The following IQGAP3 variants were observed in gnomAD, a reference collection of about 807,000 sequenced individuals.
The protein encoded by IQGAP3 is ras GTPase-activating-like protein IQGAP3.
Under a neutral mutation model 208.2 loss-of-function variants are expected in IQGAP3, and 165 were observed. The observed-to-expected ratio is 0.79, with a 90% confidence interval of 0.70 to 0.90. The LOEUF (loss-of-function observed/expected upper bound fraction) is 0.90, where lower values mean the gene tolerates loss of function less well. Among genes scored for constraint, IQGAP3 ranks in the 40% least tolerant of loss-of-function variants. The pLI is 0.00. For missense variants in IQGAP3, 1,811 were observed against 2,043.1 expected (o/e 0.89, Z 2.19); for synonymous variants, 703 against 803.6 (o/e 0.87, Z 2.12).
At chr1:156,561,079 T>C (rs1676129403) in intron 10 of IQGAP3, 58 bp from the exon 11 acceptor site, 1 of 1,290,184 alleles carries the variant, frequency 7.8e-7, no homozygotes. Context: ...GACCATGCTT[T>C]ACGAGTTGCC....
In IQGAP3 at chr1:156,539,880, C is replaced by T. The variant is rs544348632; in HGVS notation, c.2850G>A (p.Arg950=). The change falls in exon 24 of 38, where the codon CGG becomes CGA. Residue 950 remains arginine, a synonymous_variant. Transcript: ENST00000361170. ...KGLKSLSKEK[R]QKLEAYQHLF... The stretch of plus-strand genomic sequence containing the variant: ...GGTGTTGGTATGCTTCTAGTTTCTG[C>T]CGTTTCTCTTTGCTCAGCGACTTTA... The T allele has an allele frequency of 1.9e-6, 3 of 1,614,140 alleles. No homozygotes were observed. The highest frequency in any genetic ancestry group is 2.5e-6 in the Non-Finnish European group (3 of 1,180,024).
chr1:156,562,045 C>G (rs772649652), intron 9 of IQGAP3, 44 bp from the exon 10 acceptor site: 2 of 1,514,516 alleles, frequency 1.3e-6, no homozygotes, highest in Non-Finnish European at 1.8e-6. Context: ...AGAAAGCCAC[C>G]TCTCATAATC....
In IQGAP3 at chr1:156,551,879, G is replaced by C. The variant is rs372813879; in HGVS notation, c.1571-11C>G. The C allele has an allele frequency of 8.1e-6, 13 of 1,601,108 alleles. No homozygotes were observed. In the African/African-American group the frequency reaches 1.5e-4, roughly 18 times the overall value. ...TGACTGCAAGGACCCCTAAGAAAGA[G>C]AGATCTAGGTGGGCAGGGGGCCCCT... On this transcript the variant is annotated splice_polypyrimidine_tract_variant and intron_variant, in intron 14 of 37. Coordinates refer to ENST00000361170, the MANE Select transcript of IQGAP3 (RefSeq NM_178229.5).
At chr1:156,555,154 C>T (rs1468406322) in intron 12 of IQGAP3, among the ~76,000 whole-genome samples, 6 of 152,182 alleles carry the variant, frequency 3.9e-5, no homozygotes, top group Admixed American at 1.3e-4. Context: ...CAAGAAGCTC[C>T]GGCCCCATTT....
rs748236938 is a variant in IQGAP3 at position 156,563,821 on chromosome 1, G to T, written c.441C>A (p.Leu147=). 6.2e-6 allele frequency: 10 copies of T among 1,613,588 alleles called. No individual in the cohort carries two copies. The highest frequency in any genetic ancestry group is 1.1e-5 in the South Asian group (1 of 91,002). ...RVVYCIHALS[L]FLFRLGLAPQ... is the part of the protein sequence containing the mutation. ...GGGCCAATCCCAGCCGGAAGAGGAA[G>T]AGACTAGGAAAAAACGGAAGGCATT... The change falls in exon 6 of 38, where the codon CTC becomes CTA. Residue 147 remains leucine, a synonymous_variant. Transcript: ENST00000361170.
chr1:156,562,087 C>A (rs1269489575), intron 9 of IQGAP3, 86 bp from the exon 10 acceptor site: 16 of 1,235,024 alleles, frequency 1.3e-5, no homozygotes, highest in Non-Finnish European at 1.7e-5. Context: ...CTACCCTCTT[C>A]TTGCCTGCCC....
Position 156,530,289 on chromosome 1 carries a change from C to T in IQGAP3, c.4220G>A (p.Arg1407Gln), listed in dbSNP as rs768730139. The T allele has an allele frequency of 1.2e-4, 193 of 1,610,214 alleles. 1 individual carries two copies. In the South Asian group the frequency reaches 1.3e-3, roughly 11 times the overall value. ...TGTCTGGGCTGTACAGGCCTGGCGT[C>T]GGCTCATCAGCTGCTTGTGGGCTGC... is the stretch of plus-strand genomic sequence containing the variant. ...QEAAHKQLMS[R>Q]RQACTAQTPE... is the part of the protein sequence containing the mutation. The change falls in exon 34 of 38, where the codon CGA (arginine) becomes CAA (glutamine). Residue 1407 changes from arginine to glutamine, a missense_variant. By Grantham distance (43) the Arg-to-Gln change is conservative. Transcript: ENST00000361170.
At chr1:156,552,380 G>A (rs986565879) in intron 13 of IQGAP3, among the ~76,000 whole-genome samples, 5 of 151,992 alleles carry the variant, frequency 3.3e-5, no homozygotes, top group African/African-American at 1.2e-4. Flanking sequence ...ATATGCTCCC[G>A]AAAGCACACC....
chr1:156,545,175 G>A (rs544088287), intron 19 of IQGAP3, among the ~76,000 whole-genome samples: 10 of 152,240 alleles, frequency 6.6e-5, no homozygotes, highest in African/African-American at 1.9e-4. Flanking sequence ...CCCAACCGAC[G>A]TCTGCACAAA....
chr1:156,537,383 G>C, intron 26 of IQGAP3, 62 bp from the exon 27 acceptor site: 1 of 1,496,768 alleles, frequency 6.7e-7, no homozygotes. Context: ...CTTCCCCAAG[G>C]CCCTATTCCT....
chr1:156,567,714 C>CT (rs11412233), intron 2 of IQGAP3, among the ~76,000 whole-genome samples: 146,383 of 152,190 alleles, frequency 0.96, 70,662 homozygotes, highest in East Asian at 1. Flanking sequence ...ATCCTCCTGA[C>CT]TCCTTTAAGA....
At chr1:156,538,741 G>A (rs1674829008) in intron 26 of IQGAP3, 68 bp downstream of exon 26, 1 of 1,358,986 alleles carries the variant, frequency 7.4e-7, no homozygotes, top group Non-Finnish European at 1.0e-6. Context: ...TCCCCAGTAG[G>A]GTCCAAGACA....
rs375825468 is a variant in IQGAP3, at chr1:156,534,455, G to C, written c.3740+46C>G. ...GGAGGGGACAAGTGGGATGTCAAAG[G>C]TGAGAAGAGGGAAGAAAGGGGACAG... is the stretch of plus-strand genomic sequence containing the variant. On this transcript the variant is annotated intron_variant, in intron 29 of 37. Coordinates refer to ENST00000361170, the MANE Select transcript of IQGAP3 (RefSeq NM_178229.5). 3 of 1,381,620 alleles carry C rather than the reference G, an allele frequency of 2.2e-6. No homozygotes were observed. In the African/African-American group the frequency reaches 4.3e-5, roughly 20 times the overall value. 85.6% of individuals were successfully genotyped at this position (1,381,620 alleles called of 1,614,324 possible).
At chr1:156,548,293 C>T (rs376725526) in intron 18 of IQGAP3, 50 bp from the exon 19 acceptor site, 449 of 1,607,900 alleles carry the variant, frequency 2.8e-4, no homozygotes, top group Non-Finnish European at 3.7e-4. Context: ...GTGGGAGCCT[C>T]TTCTTCAGGA....
intron 13 of IQGAP3, 58 bp downstream of exon 13, chr1:156,554,177 G>A (rs1031049305): frequency 1.3e-6 from 2 of 1,529,572 alleles, no homozygotes; most frequent in African/African-American, 2.8e-5. Context: ...GAAGAGTGCT[G>A]AGTCTTGGCT....
rs1557932848 is a variant in IQGAP3, at chr1:156,548,427, A to G, written c.2054T>C (p.Leu685Pro). 2 of 1,614,046 alleles carry G rather than the reference A, an allele frequency of 1.2e-6. No individual in the cohort carries two copies. The highest frequency in any genetic ancestry group is 4.5e-5 in the East Asian group (2 of 44,874). ...MKDGTAYYFH[L>P]QTFQGIWEQP... ...CTCCCAGATCCCCTGGAAGGTCTGCAGATGGAAGTAGTAGGCAGTGCCATC... is the reference window on the plus strand; with the variant it reads ...CTCCCAGATCCCCTGGAAGGTCTGCGGATGGAAGTAGTAGGCAGTGCCATC... Residue 685 changes from leucine (L) to proline (P), a missense_variant, in exon 18 of 38, where the codon CTG (leucine) becomes CCG (proline). Leu to Pro is a moderately conservative substitution (Grantham distance 98). Transcript: ENST00000361170.
At chr1:156,570,170 A>G (rs575844290) in intron 1 of IQGAP3, among the ~76,000 whole-genome samples, 3 of 152,308 alleles carry the variant, frequency 2.0e-5, no homozygotes, top group Admixed American at 2.0e-4. Flanking sequence ...ACCAGAATTC[A>G]TCATTCACTC....
chr1:156,565,626 G>A (rs1676368053), intron 4 of IQGAP3, among the ~76,000 whole-genome samples: 6 of 152,172 alleles, frequency 3.9e-5, no homozygotes, highest in Admixed American at 3.3e-4. Flanking sequence ...GAGGTTCAAA[G>A]AGTGAAATCA....
intron 34 of IQGAP3, 141 bp downstream of exon 34, chr1:156,529,964 C>A: frequency 1.8e-6 from 1 of 564,332 alleles, no homozygotes; most frequent in Non-Finnish European, 3.0e-6. Flanking sequence ...CAAAAAGGAC[C>A]CTCAGCCTTC....
Sources: allele counts gnomAD v4.1 joint callset (sites outside exome capture counted in the v4.1 genomes callset), GRCh38; gene constraint gnomAD v4.1.1; transcripts MANE v1.5; gene names NCBI Gene and HGNC (gene_info 2026-07-23, HGNC 2026-07-21).